FAM135B: variants seen among roughly 807,000 people sequenced by gnomAD.
FAM135B encodes the protein family with sequence similarity 135 member B.
FAM135B carries 43 observed loss-of-function variants against 127.7 expected under a neutral mutation model. The observed-to-expected ratio is 0.34, with a 90% CI of 0.26 to 0.43. The LOEUF (loss-of-function observed/expected upper bound fraction) is 0.43, where lower values mean the gene tolerates loss of function less well. FAM135B is among the 20% of genes least tolerant of loss of function. FAM135B has a pLI of 1.00. For synonymous variants in FAM135B, 670 were observed against 665.1 expected, an observed-to-expected ratio of 1.01 and a Z score of -0.11; for missense variants, 1,558 against 1,725.6, an observed-to-expected ratio of 0.90 and a Z score of 1.72.
intron 1 of FAM135B, among the ~76,000 whole-genome samples, chr8:138,477,911 C>T (rs944664369): frequency 6.6e-6 from 1 of 152,128 alleles, no homozygotes; most frequent in Non-Finnish European, 1.5e-5. Context: ...ATCTCATGGT[C>T]ATGAACCAGA....
chr8:138,257,119 G>T (rs1177249019), intron 4 of FAM135B, among the ~76,000 whole-genome samples: 1 of 152,140 alleles, frequency 6.6e-6, no homozygotes. Context: ...GCTCTGGGAA[G>T]GATGGAGCAG....
intron 7 of FAM135B, among the ~76,000 whole-genome samples, chr8:138,239,520 G>A (rs1305864350): frequency 6.6e-6 from 1 of 152,300 alleles, no homozygotes; most frequent in East Asian, 1.9e-4. Flanking sequence ...TGTTCACTCT[G>A]ATGGTAGTTT....
intron 3 of FAM135B, among the ~76,000 whole-genome samples, chr8:138,271,827 A>T (rs1823399597): frequency 6.6e-6 from 1 of 152,212 alleles, no homozygotes; most frequent in South Asian, 2.1e-4. Flanking sequence ...TTGCTCAATT[A>T]AAGCTAGCCT....
chr8:138,287,131 G>A (rs751805039), intron 3 of FAM135B, among the ~76,000 whole-genome samples: 1 of 152,144 alleles, frequency 6.6e-6, no homozygotes, highest in Non-Finnish European at 1.5e-5. Context: ...ACTACGGGAA[G>A]ACATTTTCTA....
At chr8:138,433,523 CAATA>C (rs144218276) in intron 1 of FAM135B, among the ~76,000 whole-genome samples, 40,138 of 140,400 alleles carry the variant, frequency 0.29, 6,098 homozygotes, top group East Asian at 0.4. Context: ...GATTCTGTCT[CAATA>C]AATAAATAAA....
In FAM135B at chr8:138,497,012, G is replaced by A. The variant is rs1815424675; in HGVS notation, c.-361C>T. Among the ~76,000 whole-genome samples, 1 of 151,984 alleles carries A rather than the reference G, an allele frequency of 6.6e-6. No individual in the cohort carries two copies. Among genetic ancestry groups the A allele is most frequent in the South Asian group, 2.1e-4 (1 of 4,828 alleles). On this transcript the variant is annotated 5_prime_UTR_variant, in exon 1 of 20. Transcript: ENST00000395297. Reference sequence around the variant, plus strand: ...CGCCAGGACGCGAGGCTGTCAGCGCGGTCGGGGGAACGCAGCCGCCAGCGC... The same window carrying A: ...CGCCAGGACGCGAGGCTGTCAGCGCAGTCGGGGGAACGCAGCCGCCAGCGC...
intron 1 of FAM135B, among the ~76,000 whole-genome samples, chr8:138,436,145 C>T (rs1835441809): frequency 6.6e-6 from 1 of 152,130 alleles, no homozygotes; most frequent in East Asian, 1.9e-4. Flanking sequence ...CAATTTAATG[C>T]TTATCTTACA....
At chr8:138,447,757 T>A (rs2131577151) in intron 1 of FAM135B, among the ~76,000 whole-genome samples, 1 of 150,380 alleles carries the variant, frequency 6.6e-6, no homozygotes, top group Admixed American at 6.6e-5. Context: ...TGTATACATA[T>A]GCAACAAACC....
intron 4 of FAM135B, among the ~76,000 whole-genome samples, chr8:138,258,803 C>CCACACCACACACACA (rs1554646349): frequency 3.4e-5 from 5 of 146,526 alleles, no homozygotes; most frequent in African/African-American, 1.3e-4. Context: ...GACACACACA[C>CCACACCACACACACA]CACACACACA....
At chr8:138,368,536 A>G (rs1044320827) in intron 1 of FAM135B, among the ~76,000 whole-genome samples, 2 of 152,224 alleles carry the variant, frequency 1.3e-5, no homozygotes, top group African/African-American at 4.8e-5. Flanking sequence ...AGTTTTTGCT[A>G]CCATTGTTAA....
chr8:138,227,221 G>A (rs1204559637), intron 7 of FAM135B, among the ~76,000 whole-genome samples: 1 of 152,222 alleles, frequency 6.6e-6, no homozygotes, highest in Non-Finnish European at 1.5e-5. Flanking sequence ...AAATATGGAT[G>A]CTCATCTTTG....
intron 1 of FAM135B, among the ~76,000 whole-genome samples, chr8:138,467,644 T>C (rs148078956): frequency 6.6e-6 from 1 of 152,268 alleles, no homozygotes; most frequent in East Asian, 1.9e-4. Flanking sequence ...ATGTGGAAAT[T>C]TGTATAAGCA....
At chr8:138,187,408 T>A (rs1586721741) in intron 9 of FAM135B, among the ~76,000 whole-genome samples, 1 of 152,202 alleles carries the variant, frequency 6.6e-6, no homozygotes, top group East Asian at 1.9e-4. Context: ...AATGAACATG[T>A]GCCACCTATT....
chr8:138,374,048 C>T (rs1170658760), intron 1 of FAM135B, among the ~76,000 whole-genome samples: 1 of 152,066 alleles, frequency 6.6e-6, no homozygotes, highest in Non-Finnish European at 1.5e-5. Flanking sequence ...ACACCCTATT[C>T]GTACACTCCC....
chr8:138,160,180 C>T (rs1034326749), intron 12 of FAM135B, among the ~76,000 whole-genome samples: 9 of 152,050 alleles, frequency 5.9e-5, no homozygotes, highest in African/African-American at 2.2e-4. Flanking sequence ...CCCCTCAGAC[C>T]TCATCCTATG....
intron 1 of FAM135B, among the ~76,000 whole-genome samples, chr8:138,436,570 A>G (rs964951936): frequency 3.9e-5 from 6 of 152,198 alleles, no homozygotes; most frequent in African/African-American, 9.7e-5. Context: ...TCCTCCCACA[A>G]TCAAAGACTC....
chr8:138,332,649 A>T (rs1828270559), intron 2 of FAM135B, among the ~76,000 whole-genome samples: 1 of 151,928 alleles, frequency 6.6e-6, no homozygotes, highest in African/African-American at 2.4e-5. Context: ...CCCGGTGAAA[A>T]GCAGGGGCGT....
chr8:138,496,906 T>C lies in FAM135B; in HGVS notation c.-255A>G, dbSNP rs1806330867. The C allele has an allele frequency of 6.6e-6, 1 of 151,772 alleles. No individual in the cohort carries two copies. Among genetic ancestry groups the C allele is most frequent in the Non-Finnish European group, 1.5e-5 (1 of 67,952 alleles). The allele number at this position is 151,772 out of a possible 1,614,324, so 9.4% of individuals were successfully genotyped here. A position where few individuals can be genotyped will look rare whatever the true frequency, so the allele number is the denominator to read the frequency against. On this transcript the variant is annotated 5_prime_UTR_variant, in exon 1 of 20. Transcript: ENST00000395297. ...GCCGCCGGTGCTGATGCGGTTGCTA[T>C]GGTTATGGAACCCCGCAACTGCCCC...
chr8:138,171,802 G>A (rs936193577), intron 11 of FAM135B, among the ~76,000 whole-genome samples: 6 of 152,174 alleles, frequency 3.9e-5, no homozygotes, highest in Non-Finnish European at 8.8e-5. Flanking sequence ...CAGGGAGTCC[G>A]TGAGATAGTG....
Sources: allele counts gnomAD v4.1 joint callset (sites outside exome capture counted in the v4.1 genomes callset), GRCh38; gene constraint gnomAD v4.1.1; transcripts MANE v1.5; gene names NCBI Gene and HGNC (gene_info 2026-07-23, HGNC 2026-07-21).